The following RSBN1L variants were observed in gnomAD, a reference collection of about 807,000 sequenced individuals.
The protein encoded by RSBN1L is lysine-specific demethylase RSBN1L.
Under a neutral mutation model 67.7 loss-of-function variants are expected in RSBN1L, and 30 were observed. That is an observed-to-expected ratio of 0.44 (90% CI 0.33 to 0.60). RSBN1L has a LOEUF of 0.60. Among genes scored for constraint, RSBN1L ranks in the 20% least tolerant of loss-of-function variants. The pLI, the probability that RSBN1L is intolerant of heterozygous loss-of-function variation, is 0.02. For synonymous variants in RSBN1L, 433 were observed against 387.0 expected, an observed-to-expected ratio of 1.12 and a Z score of -1.39; for missense variants, 992 against 1,031.7, an observed-to-expected ratio of 0.96 and a Z score of 0.53.
At chr7:77,726,817 G>A (rs905281931) in intron 1 of RSBN1L, among the ~76,000 whole-genome samples, 3 of 120,970 alleles carry the variant, frequency 2.5e-5, no homozygotes, top group African/African-American at 9.8e-5. Flanking sequence ...TCTCGCTCTT[G>A]TTGCCCAGGC....
chr7:77,765,661 G>GT (rs572944948), intron 4 of RSBN1L, 29 bp downstream of exon 4: 40,337 of 1,337,270 alleles, frequency 0.03, 124 homozygotes, highest in Non-Finnish European at 0.033. Flanking sequence ...TGGGATTAGA[G>GT]TTTTTTTTTT....
rs535396994 is a variant in RSBN1L, at chr7:77,712,167, C to T, written c.586+15112C>T. 2.0e-4 allele frequency among the ~76,000 whole-genome samples: 30 copies of T among 151,978 alleles called. No homozygotes were observed. In the South Asian group the frequency reaches 6.0e-3, roughly 30 times the overall value. On this transcript the variant is annotated intron_variant, in intron 1 of 7. Coordinates refer to ENST00000334955, the MANE Select transcript of RSBN1L (RefSeq NM_198467.3). Reference sequence around the variant, plus strand: ...TTTAGGAAGAAAAGCATCTGAAATACTGTTGTTTTAATGATTACATTTTCA... The same window carrying T: ...TTTAGGAAGAAAAGCATCTGAAATATTGTTGTTTTAATGATTACATTTTCA...
intron 2 of RSBN1L, among the ~76,000 whole-genome samples, chr7:77,738,526 T>C (rs1224540104): frequency 1.3e-5 from 2 of 152,130 alleles, no homozygotes; most frequent in African/African-American, 4.8e-5. Context: ...TTACCAAGAT[T>C]AAATGAGGGA....
chr7:77,737,979 C>T (rs1028920072), intron 2 of RSBN1L, among the ~76,000 whole-genome samples: 1 of 151,534 alleles, frequency 6.6e-6, no homozygotes, highest in Non-Finnish European at 1.5e-5. Context: ...GCTGAGATCA[C>T]CCCACTGTAC....
chr7:77,706,180 G>A (rs1790889289), intron 1 of RSBN1L, among the ~76,000 whole-genome samples: 1 of 151,838 alleles, frequency 6.6e-6, no homozygotes, highest in Non-Finnish European at 1.5e-5. Flanking sequence ...AGGTTCAAGC[G>A]ATTCTCCTGC....
chr7:77,717,800 C>G (rs1791067440), intron 1 of RSBN1L, among the ~76,000 whole-genome samples: 1 of 152,078 alleles, frequency 6.6e-6, no homozygotes, highest in South Asian at 2.1e-4. Context: ...GGCGGATCAC[C>G]TGAGGTCAGG....
At chr7:77,736,061 T>C (rs963864741) in intron 1 of RSBN1L, among the ~76,000 whole-genome samples, 2 of 152,154 alleles carry the variant, frequency 1.3e-5, no homozygotes, top group African/African-American at 4.8e-5. Context: ...TGCTAATCCA[T>C]AGATGCTCAA....
intron 3 of RSBN1L, among the ~76,000 whole-genome samples, chr7:77,754,062 G>A (rs1791587778): frequency 6.6e-6 from 1 of 152,160 alleles, no homozygotes; most frequent in Non-Finnish European, 1.5e-5. Flanking sequence ...GATAGATACA[G>A]GGTCTTGTTC....
chr7:77,753,762 A>T (rs1195811548), intron 3 of RSBN1L, among the ~76,000 whole-genome samples: 2 of 152,236 alleles, frequency 1.3e-5, no homozygotes, highest in Admixed American at 1.3e-4. Context: ...TTAAATCTAT[A>T]GTTAATAAAA....
chr7:77,749,546 A>G lies in RSBN1L; in HGVS notation c.826A>G (p.Ile276Val), dbSNP rs755333129. Residue 276 changes from isoleucine (I) to valine (V), a missense_variant, in exon 3 of 8, where the codon ATT becomes GTT. Physicochemically the swap from Ile to Val is conservative, Grantham distance 29. This residue lies in a region of RSBN1L where 575 missense variants were observed against 483.2 expected (regional missense o/e 1.19). Coordinates refer to ENST00000334955, the MANE Select transcript of RSBN1L (RefSeq NM_198467.3). ...GCGTCCGAAAATGTATAGCAAATCT[A>G]TTCAGACCATCTGCTCAGGATTGCT... is the stretch of plus-strand genomic sequence containing the variant. ...RKRPKMYSKSIQTICSGLLTD... is the reference protein window; with the variant it reads ...RKRPKMYSKSVQTICSGLLTD... The G allele has an allele frequency of 4.7e-5, 76 of 1,613,626 alleles. No homozygotes were observed. The highest frequency in any genetic ancestry group is 5.8e-5 in the Non-Finnish European group (69 of 1,179,966).
At chr7:77,708,540 C>T (rs1270889504) in intron 1 of RSBN1L, among the ~76,000 whole-genome samples, 1 of 152,078 alleles carries the variant, frequency 6.6e-6, no homozygotes, top group East Asian at 1.9e-4. Context: ...CGCCACCGCG[C>T]CTGGCTCATT....
Position 77,708,074 on chromosome 7 carries a change from T to C in RSBN1L, c.586+11019T>C, listed in dbSNP as rs572004178. ...CAGTTCTCAAATACCTTGCAAACTT[T>C]GTTAAATTTGTTTTTAAGTCACCTT... is the stretch of plus-strand genomic sequence containing the variant. On this transcript the variant is annotated intron_variant, in intron 1 of 7. Transcript: ENST00000334955. 3.9e-5 allele frequency among the ~76,000 whole-genome samples: 6 copies of C among 152,322 alleles called. No homozygotes were observed. The East Asian group carries it at 7.7e-4, about 20-fold the overall frequency.
chr7:77,697,243 G>C, intron 1 of RSBN1L, 188 bp downstream of exon 1: 1 of 516,296 alleles, frequency 1.9e-6, no homozygotes. Context: ...CTGTAATTTC[G>C]GTTGCAGAGA....
At position 77,716,655 on chromosome 7, in the gene RSBN1L, G is replaced by A. The variant is rs1186095436; in HGVS notation, c.586+19600G>A. On this transcript the variant is annotated intron_variant, in intron 1 of 7. Coordinates refer to ENST00000334955, the MANE Select transcript of RSBN1L (RefSeq NM_198467.3). ...TTTTTTTTTTTTTTTTTTTTTAGACGGTGTCTTGCTCTGTCACCCAGGCTG... is the reference window on the plus strand; with the variant it reads ...TTTTTTTTTTTTTTTTTTTTTAGACAGTGTCTTGCTCTGTCACCCAGGCTG... Among the ~76,000 whole-genome samples the A allele has an allele frequency of 6.0e-5, 7 of 116,334 alleles. No homozygotes were observed. The Admixed American group carries it at 6.4e-4, about 11-fold the overall frequency. 76.3% of individuals were successfully genotyped at this position (116,334 alleles called of 152,430 possible).
intron 3 of RSBN1L, among the ~76,000 whole-genome samples, chr7:77,755,961 C>A (rs1791612004): frequency 6.6e-6 from 1 of 152,114 alleles, no homozygotes; most frequent in Non-Finnish European, 1.5e-5. Flanking sequence ...TACCTGACAT[C>A]TTTGTAATTC....
chr7:77,701,171 C>A (rs2108029), intron 1 of RSBN1L, among the ~76,000 whole-genome samples: 11,548 of 125,174 alleles, frequency 0.092, 794 homozygotes, highest in African/African-American at 0.2. Context: ...AAAAAAAAAA[C>A]AACAACAACA....
chr7:77,712,520 C>T (rs1469216172), intron 1 of RSBN1L, among the ~76,000 whole-genome samples: 1 of 152,108 alleles, frequency 6.6e-6, no homozygotes, highest in Non-Finnish European at 1.5e-5. Flanking sequence ...CTCAGGTGAT[C>T]CACCCTCCTC....
chr7:77,756,717 G>T (rs1353402358), intron 3 of RSBN1L, among the ~76,000 whole-genome samples: 1 of 152,162 alleles, frequency 6.6e-6, no homozygotes, highest in Non-Finnish European at 1.5e-5. Flanking sequence ...GGCGGAGGGT[G>T]CAGTGAGCCG....
chr7:77,781,273 G>A lies in RSBN1L; in HGVS notation c.*2105G>A, dbSNP rs1156930781. 5 of 152,264 alleles carry A rather than the reference G, an allele frequency of 3.3e-5. No individual in the cohort carries two copies. The highest frequency in any genetic ancestry group is 6.5e-5 in the Admixed American group (1 of 15,298). 9.4% of individuals were successfully genotyped at this position (152,264 alleles called of 1,614,324 possible). ...GGGAAGGTATAAATCAAGATAGTAAGGGTTTTGTTTTATATGTCATTGTCT... is the reference window on the plus strand; with the variant it reads ...GGGAAGGTATAAATCAAGATAGTAAAGGTTTTGTTTTATATGTCATTGTCT... On this transcript the variant is annotated 3_prime_UTR_variant, in exon 8 of 8. Transcript: ENST00000334955.
Sources: allele counts gnomAD v4.1 joint callset (sites outside exome capture counted in the v4.1 genomes callset), GRCh38; gene constraint gnomAD v4.1.1; regional missense constraint gnomAD v4.1.1; transcripts MANE v1.5; gene names NCBI Gene and HGNC (gene_info 2026-07-23, HGNC 2026-07-21).